Variants in RBFOX1 observed in about 807,000 individuals in gnomAD.
RBFOX1 encodes RNA binding protein fox-1 homolog 1.
RBFOX1 carries 8 observed loss-of-function variants against 57.7 expected under a neutral mutation model. The observed-to-expected ratio is 0.14, with a 90% CI of 0.08 to 0.25. The LOEUF (loss-of-function observed/expected upper bound fraction) is 0.25, where lower values mean the gene tolerates loss of function less well. RBFOX1 is among the 10% of genes least tolerant of loss of function. RBFOX1 has a pLI of 1.00. For missense variants in RBFOX1, 611 were observed against 548.5 expected (o/e 1.11, Z -1.14); for synonymous variants, 326 against 222.4 (o/e 1.47, Z -4.15).
intron 1 of RBFOX1, among the ~76,000 whole-genome samples, chr16:6,165,915 T>G (rs182950302): frequency 3.3e-5 from 5 of 152,244 alleles, no homozygotes; most frequent in Admixed American, 3.3e-4. Flanking sequence ...ACGTCAAACT[T>G]AGGTACTGGA....
chr16:6,448,180 G>C (rs374795645), intron 2 of RBFOX1, among the ~76,000 whole-genome samples: 2 of 18,656 alleles, frequency 1.1e-4, no homozygotes, highest in African/African-American at 2.5e-4. Context: ...TTTTTTTTGA[G>C]ATGGAATCCT....
rs74004665 is a variant in RBFOX1 at position 5,871,874 on chromosome 16, A to G, written c.351+4539A>G. Among the ~76,000 whole-genome samples, 1,165 of 152,338 alleles carry G rather than the reference A, an allele frequency of 7.6e-3. 21 individuals are homozygous for G. The highest frequency in any genetic ancestry group is 0.027 in the African/African-American group (1,124 of 41,582). ...CCTGCTTTTATTTCATGGCAAAGCA[A>G]TCGAACTGAGATTGATTGATATTAC... is the stretch of plus-strand genomic sequence containing the variant. On this transcript the variant is annotated intron_variant, in intron 4 of 19. Coordinates refer to the RBFOX1 transcript ENST00000641259.
intron 2 of RBFOX1, among the ~76,000 whole-genome samples, chr16:6,521,531 TTCCTC>T (rs148747446): frequency 0.053 from 7,440 of 140,698 alleles, 635 homozygotes; most frequent in African/African-American, 0.18. Flanking sequence ...CCCTCCCTCC[TTCCTC>T]TCCTCTCCTC....
chr16:5,858,495 C>G (rs1459539773), intron 3 of RBFOX1, among the ~76,000 whole-genome samples: 1 of 152,172 alleles, frequency 6.6e-6, no homozygotes, highest in Non-Finnish European at 1.5e-5. Flanking sequence ...CCTCCCTCCC[C>G]TGTGACTTTT....
At chr16:6,534,151 C>G (rs2096703502) in intron 2 of RBFOX1, among the ~76,000 whole-genome samples, 1 of 152,070 alleles carries the variant, frequency 6.6e-6, no homozygotes, top group Non-Finnish European at 1.5e-5. Context: ...GGAAATTACC[C>G]AAACATCCAT....
At chr16:6,312,696 CCTTCCTTCCTTCCTTCCT>C (rs1435783758) in intron 1 of RBFOX1, among the ~76,000 whole-genome samples, 5 of 150,070 alleles carry the variant, frequency 3.3e-5, no homozygotes, top group African/African-American at 9.8e-5. Context: ...TTCCTTCCTT[CCTTCCTTCCTTCCTTCCT>C]CCATTCCTTC....
chr16:6,906,083 C>T (rs35069364), intron 3 of RBFOX1, among the ~76,000 whole-genome samples: 3 of 151,868 alleles, frequency 2.0e-5, no homozygotes, highest in Non-Finnish European at 4.4e-5. Flanking sequence ...ACTTTGTCTT[C>T]GATGGAACGC....
chr16:7,119,605 C>T (rs533945698), intron 4 of RBFOX1, among the ~76,000 whole-genome samples: 72 of 151,986 alleles, frequency 4.7e-4, no homozygotes, highest in African/African-American at 1.3e-3. Flanking sequence ...ACCACCCAGA[C>T]ATACAGGAGG....
At chr16:6,072,383 G>A (rs1186689477) in intron 1 of RBFOX1, among the ~76,000 whole-genome samples, 1 of 152,088 alleles carries the variant, frequency 6.6e-6, no homozygotes, top group Non-Finnish European at 1.5e-5. Context: ...CCATATTTTG[G>A]CTATTGTGCT....
intron 4 of RBFOX1, among the ~76,000 whole-genome samples, chr16:7,273,244 T>TCCTC (rs1567986044): frequency 1.5e-5 from 2 of 133,808 alleles, no homozygotes; most frequent in African/African-American, 2.9e-5. Flanking sequence ...CTTCCTTCCT[T>TCCTC]CCTTCCTTCC....
intron 3 of RBFOX1, among the ~76,000 whole-genome samples, chr16:6,768,498 A>T (rs2077738000): frequency 6.6e-6 from 1 of 151,986 alleles, no homozygotes; most frequent in South Asian, 2.1e-4. Context: ...CCCTTCCCAG[A>T]GAAAACTACT....
intron 1 of RBFOX1, among the ~76,000 whole-genome samples, chr16:6,221,331 A>G (rs1355318360): frequency 6.6e-6 from 1 of 152,196 alleles, no homozygotes; most frequent in Non-Finnish European, 1.5e-5. Flanking sequence ...GAATTTCATT[A>G]CTAGTGAGGT....
chr16:7,494,907 T>A (rs1449915486), intron 4 of RBFOX1, among the ~76,000 whole-genome samples: 1 of 151,500 alleles, frequency 6.6e-6, no homozygotes, highest in African/African-American at 2.4e-5. Context: ...GTAGGATTGT[T>A]ACATGGGTAT....
At chr16:5,703,787 G>GTA (rs374938859) in intron 3 of RBFOX1, among the ~76,000 whole-genome samples, 62 of 152,076 alleles carry the variant, frequency 4.1e-4, no homozygotes, top group African/African-American at 1.3e-3. Flanking sequence ...ATGTGTGTGA[G>GTA]TATATATATA....
At chr16:7,611,827 C>G (rs2057527224) in intron 10 of RBFOX1, among the ~76,000 whole-genome samples, 1 of 152,130 alleles carries the variant, frequency 6.6e-6, no homozygotes, top group Non-Finnish European at 1.5e-5. Flanking sequence ...GAATTCTCAT[C>G]AAGTCATACT....
chr16:6,348,551 T>C (rs994902382), intron 2 of RBFOX1, among the ~76,000 whole-genome samples: 2 of 152,082 alleles, frequency 1.3e-5, no homozygotes, highest in African/African-American at 4.8e-5. Context: ...GAGCATTAAT[T>C]GGATCATGGT....
intron 4 of RBFOX1, among the ~76,000 whole-genome samples, chr16:7,068,724 A>G (rs1450283474): frequency 6.6e-6 from 1 of 151,988 alleles, no homozygotes; most frequent in Non-Finnish European, 1.5e-5. Flanking sequence ...AGTAGCTGGG[A>G]TTACAGGTCC....
intron 2 of RBFOX1, chr16:5,598,775 A>C: frequency 1.4e-6 from 1 of 698,646 alleles, no homozygotes; most frequent in Non-Finnish European, 2.3e-6. Flanking sequence ...GTGGAGAGAC[A>C]GAGGGTACTG....
chr16:7,450,926 A>T (rs1408301371), intron 4 of RBFOX1, among the ~76,000 whole-genome samples: 1 of 152,170 alleles, frequency 6.6e-6, no homozygotes, highest in Non-Finnish European at 1.5e-5. Context: ...GTTGGTAACT[A>T]AAAGGCCAGC....
Sources: allele counts gnomAD v4.1 joint callset (sites outside exome capture counted in the v4.1 genomes callset), GRCh38; gene constraint gnomAD v4.1.1; transcripts MANE v1.5; gene names NCBI Gene and HGNC (gene_info 2026-07-23, HGNC 2026-07-21).